Variants in CAST observed in about 807,000 individuals in gnomAD.
CAST encodes MIR583 host.
CAST carries 76 observed loss-of-function variants against 119.6 expected under a neutral mutation model. The observed-to-expected ratio is 0.64, with a 90% CI of 0.53 to 0.77. The LOEUF is 0.77. CAST is among the 30% of genes least tolerant of loss of function. CAST has a pLI of 0.00. For synonymous variants in CAST, 319 were observed against 331.6 expected, an observed-to-expected ratio of 0.96 and a Z score of 0.41; for missense variants, 953 against 946.5, an observed-to-expected ratio of 1.01 and a Z score of -0.09.
upstream of CAST, among the ~76,000 whole-genome samples, chr5:96,526,309 G>A (rs1297586902): frequency 6.6e-6 from 1 of 152,200 alleles, no homozygotes; most frequent in African/African-American, 2.4e-5. Flanking sequence ...GGGATTTGGA[G>A]AGCAGGGAGG....
the CAST span, among the ~76,000 whole-genome samples, chr5:96,502,567 T>C: frequency 6.6e-6 from 1 of 152,166 alleles, no homozygotes; most frequent in Non-Finnish European, 1.5e-5. Context: ...TTAATGCTTT[T>C]CCCCCATCCT....
At chr5:96,762,621 T>C in intron 25 of CAST, 1 of 406,478 alleles carries the variant, frequency 2.5e-6, no homozygotes, top group Non-Finnish European at 4.3e-6. Context: ...ATTGTTGCTT[T>C]ATAAGAATTG....
intron 1 of CAST, among the ~76,000 whole-genome samples, chr5:96,576,188 T>C (rs966152427): frequency 6.6e-6 from 1 of 152,184 alleles, no homozygotes; most frequent in Non-Finnish European, 1.5e-5. Flanking sequence ...TTTACTATCT[T>C]TGTCTGATTT....
rs1747802087 is a variant in CAST at position 96,630,527 on chromosome 5, C to G, written c.61-45012C>G. On this transcript the variant is annotated intron_variant, in intron 1 of 11. Coordinates refer to the CAST transcript ENST00000505143. Reference sequence around the variant, plus strand: ...TGAGGCCAGGTGCGGTGGCTCATACCTGTAATCCCAGCACTTTGGGAGGCT... The same window carrying G: ...TGAGGCCAGGTGCGGTGGCTCATACGTGTAATCCCAGCACTTTGGGAGGCT... 1.3e-5 allele frequency among the ~76,000 whole-genome samples: 2 copies of G among 152,162 alleles called. 1 individual carries two copies. Among genetic ancestry groups the G allele is most frequent in the South Asian group, 4.1e-4 (2 of 4,830 alleles).
intron 1 of CAST, among the ~76,000 whole-genome samples, chr5:96,571,947 T>C (rs530876554): frequency 7.2e-5 from 11 of 152,324 alleles, no homozygotes; most frequent in Non-Finnish European, 2.9e-5. Context: ...GTTGAGTGAA[T>C]AAATAAATTG....
chr5:96,232,091 A>T, the CAST span, among the ~76,000 whole-genome samples: 1 of 152,106 alleles, frequency 6.6e-6, no homozygotes, highest in South Asian at 2.1e-4. Context: ...CTTTTCATAC[A>T]TAATATATTT....
the CAST span, among the ~76,000 whole-genome samples, chr5:96,010,849 T>A: frequency 6.6e-6 from 1 of 152,178 alleles, no homozygotes; most frequent in Non-Finnish European, 1.5e-5. Context: ...AGCTATTTCA[T>A]TTTCTTTGTG....
the CAST span, among the ~76,000 whole-genome samples, chr5:96,394,604 CTGTCA>C: frequency 6.6e-6 from 1 of 152,084 alleles, no homozygotes; most frequent in Non-Finnish European, 1.5e-5. Flanking sequence ...CATTTGTTAT[CTGTCA>C]TAAGTGGAGA....
intron 2 of CAST, among the ~76,000 whole-genome samples, chr5:96,690,547 A>G (rs981853394): frequency 3.3e-5 from 5 of 152,142 alleles, no homozygotes; most frequent in African/African-American, 9.7e-5. Flanking sequence ...GTGAATTTCT[A>G]TGTAATATTA....
intron 1 of CAST, among the ~76,000 whole-genome samples, chr5:96,650,907 A>G (rs1045203256): frequency 2.0e-5 from 3 of 152,160 alleles, no homozygotes; most frequent in African/African-American, 7.2e-5. Flanking sequence ...CAAAATAGAT[A>G]TTTAGAATTG....
At chr5:96,697,523 C>G (rs1753446111) in intron 3 of CAST, among the ~76,000 whole-genome samples, 1 of 152,126 alleles carries the variant, frequency 6.6e-6, no homozygotes, top group Non-Finnish European at 1.5e-5. Context: ...TGCTACCAGT[C>G]AATAAAAATA....
At chr5:96,673,459 T>G (rs1418263553) in intron 1 of CAST, among the ~76,000 whole-genome samples, 1 of 152,208 alleles carries the variant, frequency 6.6e-6, no homozygotes, top group Non-Finnish European at 1.5e-5. Flanking sequence ...CTTGATTGGC[T>G]ACAACTAGGC....
the CAST span, among the ~76,000 whole-genome samples, chr5:96,443,120 C>A: frequency 6.6e-6 from 1 of 152,112 alleles, no homozygotes; most frequent in Non-Finnish European, 1.5e-5. Context: ...TACATAACTT[C>A]CCAGGAGCCA....
chr5:96,432,246 T>C, the CAST span: 1 of 861,964 alleles, frequency 1.2e-6, no homozygotes, highest in South Asian at 1.7e-5. Context: ...TGGTCCCGTG[T>C]CTTTCACCCA....
intron 1 of CAST, among the ~76,000 whole-genome samples, chr5:96,674,053 G>C (rs1230609220): frequency 1.3e-5 from 2 of 152,070 alleles, no homozygotes; most frequent in African/African-American, 4.8e-5. Context: ...CCACAGGTTT[G>C]GTATTCCTTG....
chr5:96,692,403 G>A (rs1482959674), intron 2 of CAST, among the ~76,000 whole-genome samples: 2 of 152,174 alleles, frequency 1.3e-5, no homozygotes, highest in Non-Finnish European at 2.9e-5. Flanking sequence ...GGAAGAAACT[G>A]ATGATCCCAA....
the CAST span, among the ~76,000 whole-genome samples, chr5:96,175,677 A>ATC: frequency 6.6e-6 from 1 of 152,222 alleles, no homozygotes. Context: ...TGAAGCAACT[A>ATC]TCTATGGAAC....
chr5:96,347,098 G>A, the CAST span, among the ~76,000 whole-genome samples: 24 of 152,166 alleles, frequency 1.6e-4, no homozygotes, highest in Admixed American at 1.3e-3. Flanking sequence ...CTGGGCTCAC[G>A]CAGAGCCTCC....
At chr5:96,364,926 T>A in the CAST span, among the ~76,000 whole-genome samples, 3 of 152,234 alleles carry the variant, frequency 2.0e-5, no homozygotes, top group African/African-American at 7.2e-5. Context: ...AGGGTGTCAA[T>A]TTTAGATCTT....
Sources: allele counts gnomAD v4.1 joint callset (sites outside exome capture counted in the v4.1 genomes callset), GRCh38; gene constraint gnomAD v4.1.1; transcripts MANE v1.5; gene names NCBI Gene and HGNC (gene_info 2026-07-23, HGNC 2026-07-21).